The following PBX1 variants were observed in gnomAD, a reference collection of about 807,000 sequenced individuals.
PBX1 encodes pre-B-cell leukemia transcription factor 1.
Under a neutral mutation model 53.4 loss-of-function variants are expected in PBX1, and 6 were observed. The ratio of observed to expected loss-of-function variants is 0.11; its 90% CI spans 0.06 to 0.22. The LOEUF (loss-of-function observed/expected upper bound fraction) is 0.22, where lower values mean the gene tolerates loss of function less well. Ranked by LOEUF, PBX1 falls within the 10% of genes least tolerant of loss-of-function variation. The pLI is 1.00. For missense variants in PBX1, 251 were observed against 551.4 expected, an observed-to-expected ratio of 0.46 and a Z score of 5.46; for synonymous variants, 204 against 212.3, an observed-to-expected ratio of 0.96 and a Z score of 0.34.
chr1:164,835,800 G>A (rs1428594671), intron 8 of PBX1, among the ~76,000 whole-genome samples: 1 of 152,062 alleles, frequency 6.6e-6, no homozygotes, highest in Non-Finnish European at 1.5e-5. Flanking sequence ...AGTGAAAGCT[G>A]GATTGTTGCC....
chr1:164,759,460 C>T (rs973051947), intron 2 of PBX1, among the ~76,000 whole-genome samples: 3 of 152,180 alleles, frequency 2.0e-5, no homozygotes, highest in Admixed American at 1.3e-4. Flanking sequence ...GACACAGAAT[C>T]CTGGGTGGCT....
rs767477540 is a variant in PBX1, at chr1:164,846,689, C to G, written c.*13C>G. ...TACCTCCAACTGATCTCCCAGCAAT[C>G]GCATCCCGGCTGACCCTGTGCCCCA... On this transcript the variant is annotated 3_prime_UTR_variant, in exon 9 of 9. Coordinates refer to ENST00000420696, the MANE Select transcript of PBX1 (RefSeq NM_002585.4). 2 of 1,613,932 alleles carry G rather than the reference C, an allele frequency of 1.2e-6. No homozygotes were observed. Among genetic ancestry groups the G allele is most frequent in the Non-Finnish European group, 1.7e-6 (2 of 1,179,946 alleles).
chr1:164,602,067 G>T (rs1203968689), intron 2 of PBX1, among the ~76,000 whole-genome samples: 2 of 152,166 alleles, frequency 1.3e-5, no homozygotes. Context: ...CCATTCTCCT[G>T]CCAGAAAAGA....
At chr1:164,567,532 T>C (rs1282009420) in intron 2 of PBX1, among the ~76,000 whole-genome samples, 1 of 152,144 alleles carries the variant, frequency 6.6e-6, no homozygotes, top group African/African-American at 2.4e-5. Flanking sequence ...GATGCTATCT[T>C]TCAGGTACAG....
chr1:164,575,656 A>G (rs1382139117), intron 2 of PBX1, among the ~76,000 whole-genome samples: 1 of 152,218 alleles, frequency 6.6e-6, no homozygotes, highest in Non-Finnish European at 1.5e-5. Context: ...AGCCCTGCCT[A>G]CATCCATTCT....
intron 2 of PBX1, among the ~76,000 whole-genome samples, chr1:164,717,070 G>A (rs1177772906): frequency 1.3e-5 from 2 of 152,166 alleles, no homozygotes; most frequent in Non-Finnish European, 2.9e-5. Context: ...CACGAACGCA[G>A]AATGGTCAGA....
At chr1:164,757,093 AT>A (rs1025488916) in intron 2 of PBX1, among the ~76,000 whole-genome samples, 13 of 147,848 alleles carry the variant, frequency 8.8e-5, no homozygotes, top group Middle Eastern at 3.5e-3. Context: ...AGGGCCTCCC[AT>A]TTTTTTTTTG....
intron 1 of PBX1, chr1:164,560,339 A>G (rs73016975): frequency 3.7e-4 from 147 of 398,520 alleles, no homozygotes; most frequent in African/African-American, 2.5e-3. Flanking sequence ...GGCACTTTTT[A>G]CTGCTTTAAA....
chr1:164,562,852 CT>C (rs985261467), intron 1 of PBX1: 19 of 153,918 alleles, frequency 1.2e-4, no homozygotes, highest in Non-Finnish European at 2.6e-4. Flanking sequence ...AGTTCCTAGG[CT>C]GTGGTCGTTG....
intron 2 of PBX1, among the ~76,000 whole-genome samples, chr1:164,784,327 G>C (rs370650060): frequency 6.6e-6 from 1 of 152,178 alleles, no homozygotes; most frequent in African/African-American, 2.4e-5. Flanking sequence ...CAGGCAGCCG[G>C]CACCCATCCA....
intron 6 of PBX1, chr1:164,814,134 T>C (rs1276195351): frequency 6.6e-6 from 1 of 152,242 alleles, no homozygotes; most frequent in African/African-American, 2.4e-5. Context: ...GGAAAAGTTA[T>C]AAATGGGCTT....
intron 2 of PBX1, among the ~76,000 whole-genome samples, chr1:164,637,822 A>G (rs538283163): frequency 1.3e-5 from 2 of 152,286 alleles, no homozygotes; most frequent in South Asian, 4.1e-4. Context: ...CTTCAGAGGT[A>G]TGGGGGCAGA....
At chr1:164,750,109 G>GAA (rs113976702) in intron 2 of PBX1, among the ~76,000 whole-genome samples, 4 of 138,252 alleles carry the variant, frequency 2.9e-5, no homozygotes, top group African/African-American at 7.9e-5. Flanking sequence ...AAAATCGGAA[G>GAA]AAAAAAAAAA....
At chr1:164,858,659 T>C (rs1229739148) in intron 2 of PBX1, among the ~76,000 whole-genome samples, 2 of 152,146 alleles carry the variant, frequency 1.3e-5, no homozygotes, top group Non-Finnish European at 2.9e-5. Context: ...CTATGCCTAG[T>C]ACAATCTAAA....
intron 6 of PBX1, chr1:164,818,464 T>C (rs984061017): frequency 2.0e-5 from 3 of 152,184 alleles, no homozygotes; most frequent in African/African-American, 4.8e-5. Context: ...GATGGCATAG[T>C]CCTTTGGTTG....
intron 2 of PBX1, among the ~76,000 whole-genome samples, chr1:164,792,014 G>A (rs528916581): frequency 2.5e-3 from 381 of 152,064 alleles, no homozygotes; most frequent in African/African-American, 8.6e-3. Context: ...TAGTAGAGAC[G>A]GGGTTTCACC....
At chr1:164,793,309 T>A (rs1439421322) in intron 3 of PBX1, among the ~76,000 whole-genome samples, 1 of 152,126 alleles carries the variant, frequency 6.6e-6, no homozygotes, top group African/African-American at 2.4e-5. Context: ...GTATGGAATA[T>A]GACACAAATC....
At chr1:164,762,390 T>C (rs1427977245) in intron 2 of PBX1, among the ~76,000 whole-genome samples, 1 of 152,224 alleles carries the variant, frequency 6.6e-6, no homozygotes, top group Admixed American at 6.5e-5. Flanking sequence ...TTGTTTTTCC[T>C]ACTATGTTAA....
chr1:164,780,662 G>A (rs777831629), intron 2 of PBX1, among the ~76,000 whole-genome samples: 2 of 152,100 alleles, frequency 1.3e-5, no homozygotes, highest in Non-Finnish European at 2.9e-5. Context: ...CCATGGAATC[G>A]TCCCCAAAGC....
Sources: allele counts gnomAD v4.1 joint callset (sites outside exome capture counted in the v4.1 genomes callset), GRCh38; gene constraint gnomAD v4.1.1; transcripts MANE v1.5; gene names NCBI Gene and HGNC (gene_info 2026-07-23, HGNC 2026-07-21).